DNAH6: variants seen among roughly 807,000 people sequenced by gnomAD.
DNAH6 encodes axonemal beta dynein heavy chain 6.
DNAH6 carries 340 observed loss-of-function variants against 491.4 expected under a neutral mutation model. The observed-to-expected ratio is 0.69, with a 90% CI of 0.63 to 0.76. The LOEUF is 0.76. Among genes scored for constraint, DNAH6 ranks in the 30% least tolerant of loss-of-function variants. The pLI is 0.00. For synonymous variants in DNAH6, 1,603 were observed against 1,686.1 expected (o/e 0.95, Z 1.21); for missense variants, 4,443 against 4,972.2 (o/e 0.89, Z 3.20).
chr2:84,725,655 A>G (rs1193566633), intron 60 of DNAH6, among the ~76,000 whole-genome samples: 1 of 152,236 alleles, frequency 6.6e-6, no homozygotes, highest in Non-Finnish European at 1.5e-5. Context: ...CTTGGGCTGA[A>G]AGTAAAAGTG....
At chr2:84,735,756 T>A (rs1699489800) in intron 62 of DNAH6, among the ~76,000 whole-genome samples, 1 of 152,222 alleles carries the variant, frequency 6.6e-6, no homozygotes, top group South Asian at 2.1e-4. Flanking sequence ...AAGTTCTTTA[T>A]AGATTCTGAA....
intron 56 of DNAH6, among the ~76,000 whole-genome samples, chr2:84,710,713 A>G (rs1696958130): frequency 6.6e-6 from 1 of 152,206 alleles, no homozygotes; most frequent in African/African-American, 2.4e-5. Context: ...AAAATTCACA[A>G]CAGTAGTGCA....
chr2:84,812,005 A>G (rs1190654157), intron 72 of DNAH6, among the ~76,000 whole-genome samples: 1 of 152,138 alleles, frequency 6.6e-6, no homozygotes, highest in Non-Finnish European at 1.5e-5. Flanking sequence ...CCCAAATCAC[A>G]GTCAGGCCTA....
At chr2:84,657,800 C>A (rs1691119749) in intron 35 of DNAH6, among the ~76,000 whole-genome samples, 1 of 151,888 alleles carries the variant, frequency 6.6e-6, no homozygotes, top group African/African-American at 2.4e-5. Flanking sequence ...AATCTGTATA[C>A]CTTTTATTTC....
At chr2:84,510,741 G>A in the DNAH6 span, among the ~76,000 whole-genome samples, 1 of 152,176 alleles carries the variant, frequency 6.6e-6, no homozygotes, top group Non-Finnish European at 1.5e-5. Context: ...GTGACATACA[G>A]ATGGGGTTTT....
intron 41 of DNAH6, among the ~76,000 whole-genome samples, chr2:84,679,014 G>T (rs961487727): frequency 6.6e-6 from 1 of 152,048 alleles, no homozygotes; most frequent in Non-Finnish European, 1.5e-5. Flanking sequence ...TTCATCACCC[G>T]TCTGTCCTGT....
At chr2:84,512,044 G>T (rs1573462778), upstream of DNAH6, among the ~76,000 whole-genome samples, 1 of 152,146 alleles carries the variant, frequency 6.6e-6, no homozygotes, top group South Asian at 2.1e-4. Flanking sequence ...TGTTTCATGT[G>T]CCCTTGAAAA....
intron 65 of DNAH6, among the ~76,000 whole-genome samples, chr2:84,782,234 A>G (rs142215305): frequency 1.1e-3 from 160 of 152,280 alleles, no homozygotes; most frequent in African/African-American, 3.4e-3. Context: ...ATTAGAATCT[A>G]CTCATTTTAA....
chr2:84,612,231 C>T (rs1011940545), intron 22 of DNAH6, among the ~76,000 whole-genome samples: 2 of 151,992 alleles, frequency 1.3e-5, no homozygotes, highest in African/African-American at 4.8e-5. Context: ...AAAGCTCCTC[C>T]ACAGATTTAT....
At chr2:84,769,262 T>C (rs1375169242) in intron 64 of DNAH6, among the ~76,000 whole-genome samples, 1 of 152,188 alleles carries the variant, frequency 6.6e-6, no homozygotes, top group Non-Finnish European at 1.5e-5. Flanking sequence ...ATAAAAGCCA[T>C]ATTTTACGTG....
intron 63 of DNAH6, among the ~76,000 whole-genome samples, chr2:84,756,358 AGTTTGAG>A (rs940048226): frequency 5.9e-5 from 9 of 152,248 alleles, no homozygotes; most frequent in African/African-American, 2.2e-4. Context: ...ACCAATTTAA[AGTTTGAG>A]TTACTGTAAT....
intron 11 of DNAH6, 49 bp downstream of exon 11, chr2:84,557,984 GA>G (rs1317080432): frequency 2.1e-5 from 25 of 1,214,282 alleles, no homozygotes; most frequent in Non-Finnish European, 2.6e-5. Context: ...CAATTTTTAT[GA>G]AATTAAGTAA....
chr2:84,567,114 A>G (rs898853591), intron 11 of DNAH6, among the ~76,000 whole-genome samples: 1 of 152,202 alleles, frequency 6.6e-6, no homozygotes, highest in Non-Finnish European at 1.5e-5. Flanking sequence ...AAATTTGATT[A>G]TACAACAAAT....
At chr2:84,565,443 A>C (rs1681100363) in intron 11 of DNAH6, among the ~76,000 whole-genome samples, 1 of 151,640 alleles carries the variant, frequency 6.6e-6, no homozygotes, top group Non-Finnish European at 1.5e-5. Flanking sequence ...TATTTCCAGG[A>C]ATTTATCCAT....
At chr2:84,530,298 C>T (rs1334456244) in intron 4 of DNAH6, among the ~76,000 whole-genome samples, 1 of 152,070 alleles carries the variant, frequency 6.6e-6, no homozygotes, top group South Asian at 2.1e-4. Context: ...TGTGAATTAA[C>T]TGGGGTGGTC....
At chr2:84,567,181 G>T (rs1222018765) in intron 11 of DNAH6, among the ~76,000 whole-genome samples, 3 of 152,000 alleles carry the variant, frequency 2.0e-5, no homozygotes, top group African/African-American at 7.2e-5. Context: ...TAAACAGAGA[G>T]AATCTATTTG....
chr2:84,729,701 T>G (rs1459797532), intron 61 of DNAH6, among the ~76,000 whole-genome samples: 1 of 152,242 alleles, frequency 6.6e-6, no homozygotes, highest in Non-Finnish European at 1.5e-5. Context: ...GAAACCTCTC[T>G]GAATTATTTT....
rs368980300 is a variant in DNAH6 at position 84,605,486 on chromosome 2, G to A, written c.3082-14G>A. The stretch of plus-strand genomic sequence containing the variant: ...ACTGAATTTAGATATCCTAAGGCTT[G>A]AATTATTTCTAAGGTGGAGGACTCT... On this transcript the variant is annotated splice_polypyrimidine_tract_variant and intron_variant, in intron 19 of 76. Coordinates refer to ENST00000389394, the MANE Select transcript of DNAH6 (RefSeq NM_001370.2). 106 of 1,536,386 alleles carry A rather than the reference G, an allele frequency of 6.9e-5. 1 individual carries two copies. In the African/African-American group the frequency reaches 1.2e-3, roughly 18 times the overall value.
intron 37 of DNAH6, among the ~76,000 whole-genome samples, chr2:84,664,531 A>G (rs1357774502): frequency 1.3e-5 from 2 of 152,224 alleles, no homozygotes; most frequent in African/African-American, 4.8e-5. Flanking sequence ...AAAGGGATCA[A>G]TTCAACAAGA....
Sources: gnomAD v4.1 joint callset for allele counts (sites outside exome capture counted in the v4.1 genomes callset) on GRCh38, gnomAD v4.1.1 for gene constraint, MANE v1.5 for transcripts, NCBI Gene and HGNC (gene_info 2026-07-23, HGNC 2026-07-21) for gene names.